Variants in NTM observed in about 807,000 individuals in gnomAD.
NTM encodes neurotrimin, also known as IgLON family member 2.
Under a neutral mutation model 42.1 loss-of-function variants are expected in NTM, and 13 were observed. That is an observed-to-expected ratio of 0.31 (90% confidence interval 0.20 to 0.49). NTM has a LOEUF of 0.49. Ranked by LOEUF, NTM falls within the 20% of genes least tolerant of loss-of-function variation. NTM has a pLI of 0.99. For missense variants in NTM, 373 were observed against 452.8 expected, an observed-to-expected ratio of 0.82 and a Z score of 1.60; for synonymous variants, 187 against 179.2, an observed-to-expected ratio of 1.04 and a Z score of -0.35.
At chr11:131,617,944 G>C (rs1366047420) in intron 1 of NTM, among the ~76,000 whole-genome samples, 4 of 152,184 alleles carry the variant, frequency 2.6e-5, no homozygotes, top group Non-Finnish European at 5.9e-5. Flanking sequence ...GGAGGGGGCT[G>C]TCTTAGAAGA....
At chr11:132,230,541 G>A (rs1358135456) in intron 4 of NTM, among the ~76,000 whole-genome samples, 1 of 152,156 alleles carries the variant, frequency 6.6e-6, no homozygotes, top group Non-Finnish European at 1.5e-5. Context: ...GGGGCATAAC[G>A]ATGAACCTCA....
intron 1 of NTM, among the ~76,000 whole-genome samples, chr11:131,680,735 A>G (rs1266099779): frequency 2.7e-4 from 31 of 115,582 alleles, no homozygotes; most frequent in African/African-American, 9.3e-4. Context: ...TTGCATAGGC[A>G]TGTGTGCCTC....
chr11:131,550,979 G>A (rs56147805), intron 1 of NTM, among the ~76,000 whole-genome samples: 7,718 of 152,138 alleles, frequency 0.051, 647 homozygotes, highest in African/African-American at 0.17. Context: ...ATGCAGACCC[G>A]CTGACTCTCC....
At chr11:131,545,967 T>C (rs2053885474) in intron 1 of NTM, among the ~76,000 whole-genome samples, 1 of 152,178 alleles carries the variant, frequency 6.6e-6, no homozygotes, top group Admixed American at 6.5e-5. Context: ...CCCAGCTGTT[T>C]ATGGGTAGTC....
chr11:131,542,984 A>T (rs2053479048), intron 1 of NTM, among the ~76,000 whole-genome samples: 1 of 152,200 alleles, frequency 6.6e-6, no homozygotes, highest in South Asian at 2.1e-4. Context: ...CCTGGAGAAC[A>T]TGTCCCTGGT....
At chr11:131,623,056 A>G (rs539436005) in intron 1 of NTM, among the ~76,000 whole-genome samples, 2 of 152,302 alleles carry the variant, frequency 1.3e-5, no homozygotes, top group Non-Finnish European at 2.9e-5. Flanking sequence ...TGCTTAGGAG[A>G]CCCACAGCAA....
rs142602174 is a variant in NTM at position 131,459,552 on chromosome 11, C to T, written c.82+88664C>T. Among the ~76,000 whole-genome samples the T allele has an allele frequency of 2.1e-3, 321 of 152,198 alleles. 1 individual carries two copies. The highest frequency in any genetic ancestry group is 7.2e-3 in the African/African-American group (297 of 41,532). ...ATTATGAGTGCTTAGAAAGGAAAAC[C>T]GCATTCACTGGAAACAAGCATTGAT... On this transcript the variant is annotated intron_variant, in intron 1 of 8. Transcript: ENST00000683400.
chr11:131,739,176 C>T (rs1002347079), intron 1 of NTM, among the ~76,000 whole-genome samples: 13 of 150,324 alleles, frequency 8.6e-5, no homozygotes, highest in African/African-American at 1.5e-4. Context: ...ACTCCCACAC[C>T]CACAAGTTTT....
At chr11:131,939,840 G>A (rs896072341) in intron 2 of NTM, among the ~76,000 whole-genome samples, 1 of 152,148 alleles carries the variant, frequency 6.6e-6, no homozygotes, top group Admixed American at 6.5e-5. Flanking sequence ...GTACAGAGGG[G>A]CAAATTAGGA....
intron 1 of NTM, among the ~76,000 whole-genome samples, chr11:131,560,993 C>T (rs562466389): frequency 3.3e-4 from 50 of 152,300 alleles, no homozygotes; most frequent in African/African-American, 1.0e-3. Flanking sequence ...TTCCGGGTGG[C>T]GTGCAAGATC....
At chr11:131,737,491 T>C (rs1255630021) in intron 1 of NTM, among the ~76,000 whole-genome samples, 1 of 152,238 alleles carries the variant, frequency 6.6e-6, no homozygotes, top group Non-Finnish European at 1.5e-5. Flanking sequence ...TTTTATCTGG[T>C]ATAAACTGTG....
In NTM at chr11:131,910,591, C is replaced by G. The variant is rs1044971638; in HGVS notation, c.83-973C>G. On this transcript the variant is annotated intron_variant, in intron 1 of 8. Coordinates refer to ENST00000683400, the MANE Select transcript of NTM (RefSeq NM_001352005.2). The stretch of plus-strand genomic sequence containing the variant: ...GATGGAGCTGCTGCCATGACAACCC[C>G]GGCGGTCGGGGCCCGCGCGCGTCGG... Among the ~76,000 whole-genome samples, 139 of 151,090 alleles carry G rather than the reference C, an allele frequency of 9.2e-4. 1 individual carries two copies. Among genetic ancestry groups the G allele is most frequent in the African/African-American group, 3.1e-3 (130 of 41,450 alleles).
intron 1 of NTM, among the ~76,000 whole-genome samples, chr11:131,718,677 C>T (rs558607708): frequency 6.6e-6 from 1 of 152,082 alleles, no homozygotes; most frequent in Admixed American, 6.5e-5. Context: ...GAACCCTCTG[C>T]AGATCTCAGG....
chr11:131,949,826 A>G (rs1338989666), intron 2 of NTM, among the ~76,000 whole-genome samples: 1 of 152,168 alleles, frequency 6.6e-6, no homozygotes, highest in South Asian at 2.1e-4. Context: ...CTGATGTTGG[A>G]TGGACATTTC....
At chr11:131,756,854 C>G (rs975666398) in intron 1 of NTM, among the ~76,000 whole-genome samples, 6 of 152,174 alleles carry the variant, frequency 3.9e-5, no homozygotes, top group African/African-American at 1.4e-4. Context: ...AGTAAATTCC[C>G]AGCTATTAAA....
intron 2 of NTM, among the ~76,000 whole-genome samples, chr11:131,958,270 G>A (rs1172612432): frequency 6.6e-6 from 1 of 152,112 alleles, no homozygotes; most frequent in East Asian, 1.9e-4. Context: ...CAGTACCAGG[G>A]GAGTGATGGG....
intron 1 of NTM, among the ~76,000 whole-genome samples, chr11:131,442,079 C>T (rs1949668701): frequency 6.6e-6 from 1 of 152,120 alleles, no homozygotes; most frequent in African/African-American, 2.4e-5. Flanking sequence ...CTTCAGCAGC[C>T]CCAATTATGC....
At chr11:131,755,670 C>A (rs998365016) in intron 1 of NTM, among the ~76,000 whole-genome samples, 5 of 152,156 alleles carry the variant, frequency 3.3e-5, no homozygotes, top group Non-Finnish European at 5.9e-5. Context: ...TGTTCAAATT[C>A]ATGTGTGGAA....
At chr11:131,656,704 C>G (rs1429296033) in intron 1 of NTM, among the ~76,000 whole-genome samples, 1 of 152,146 alleles carries the variant, frequency 6.6e-6, no homozygotes, top group Non-Finnish European at 1.5e-5. Context: ...CTACCTCGTT[C>G]TGCCCCTGCG....
Sources: gnomAD v4.1 joint callset for allele counts (sites outside exome capture counted in the v4.1 genomes callset) on GRCh38, gnomAD v4.1.1 for gene constraint, MANE v1.5 for transcripts, NCBI Gene and HGNC (gene_info 2026-07-23, HGNC 2026-07-21) for gene names.